The following MAP3K19 variants were observed in gnomAD, a reference collection of about 807,000 sequenced individuals.
MAP3K19 encodes SPS1/STE20-related protein kinase YSK4.
Under a neutral mutation model 114.4 loss-of-function variants are expected in MAP3K19, and 91 were observed. The observed-to-expected ratio is 0.80, with a 90% CI of 0.67 to 0.95. MAP3K19 has a LOEUF of 0.95. Among genes scored for constraint, MAP3K19 ranks in the 40% least tolerant of loss-of-function variants. The pLI is 0.00. For missense variants in MAP3K19, 1,471 were observed against 1,573.2 expected (o/e 0.94, Z 1.10); for synonymous variants, 518 against 530.5 (o/e 0.98, Z 0.32).
chr2:134,999,847 G>A lies in MAP3K19; in HGVS notation c.314+90C>T. On this transcript the variant is annotated intron_variant, in intron 7 of 12. Transcript: ENST00000392915. This position sits in a 1 kb window ranked among gnomAD's most constrained non-coding sequence, Gnocchi z 4.1. ...GACCTCTACTTTTAAGCATTATTAT[G>A]GATTCAATTACTAATAATGTAGGTT... 1 of 857,090 alleles carries A rather than the reference G, an allele frequency of 1.2e-6. No individual in the cohort carries two copies. Among genetic ancestry groups the A allele is most frequent in the Non-Finnish European group, 2.0e-6 (1 of 508,648 alleles). 53.1% of individuals were successfully genotyped at this position (857,090 alleles called of 1,614,324 possible).
chr2:135,044,851 G>T (rs1458563804), intron 1 of MAP3K19, among the ~76,000 whole-genome samples: 1 of 152,108 alleles, frequency 6.6e-6, no homozygotes, highest in African/African-American at 2.4e-5. Flanking sequence ...TCCTTATAAG[G>T]CATGTAGTGC....
At chr2:134,968,484 G>T (rs1412510364) in intron 12 of MAP3K19, among the ~76,000 whole-genome samples, 1 of 147,088 alleles carries the variant, frequency 6.8e-6, no homozygotes, top group Non-Finnish European at 1.5e-5. Flanking sequence ...TGGCCGGGCG[G>T]GGGGCTGACC....
chr2:135,003,850 G>A (rs1194105399), intron 6 of MAP3K19, among the ~76,000 whole-genome samples: 1 of 152,094 alleles, frequency 6.6e-6, no homozygotes, highest in Non-Finnish European at 1.5e-5. Flanking sequence ...CACAGTGCCC[G>A]GTCCATTTAA....
chr2:134,987,148 G>A lies in MAP3K19; in HGVS notation c.1724C>T (p.Pro575Leu), dbSNP rs373802326. The part of the protein sequence containing the change: ...HKTSIKTQIF[P>L]ALGLVDPRPW... ...CCTGGGGTCCACAAGTCCCAAAGCC[G>A]GGAAAATTTGTGTTTTTATGCTGGT... Residue 575 changes from proline to leucine, a missense_variant, in exon 10 of 13, where the codon CCG (proline) becomes CTG (leucine). Physicochemically the swap from Pro to Leu is moderately conservative, Grantham distance 98. Coordinates refer to ENST00000392915, the MANE Select transcript of MAP3K19 (RefSeq NM_025052.5). 3.8e-5 allele frequency: 61 copies of A among 1,613,960 alleles called. No individual in the cohort carries two copies. Among genetic ancestry groups the A allele is most frequent in the Middle Eastern group, 3.3e-4 (2 of 6,084 alleles).
At chr2:135,009,984 C>G (rs763193410) in intron 5 of MAP3K19, among the ~76,000 whole-genome samples, 1 of 152,054 alleles carries the variant, frequency 6.6e-6, no homozygotes, top group Non-Finnish European at 1.5e-5. Flanking sequence ...CGAGGTCACA[C>G]AGCTAGCCAG....
At chr2:135,008,373 G>A (rs760728173) in intron 5 of MAP3K19, among the ~76,000 whole-genome samples, 12 of 152,026 alleles carry the variant, frequency 7.9e-5, no homozygotes, top group African/African-American at 2.2e-4. Context: ...TGCCTGCCTC[G>A]GCCTCCCAAA....
intron 5 of MAP3K19, among the ~76,000 whole-genome samples, chr2:135,016,384 A>T (rs1405900419): frequency 6.6e-6 from 1 of 152,232 alleles, no homozygotes; most frequent in Non-Finnish European, 1.5e-5. Flanking sequence ...TATTTCTAGC[A>T]ATATCACACT....
Position 134,986,993 on chromosome 2 carries a change from A to G in MAP3K19, c.1879T>C (p.Cys627Arg), listed in dbSNP as rs150014704. The change falls in exon 10 of 13, where the codon TGT (cysteine) becomes CGT (arginine). Residue 627 changes from cysteine (C) to arginine (R), a missense_variant. Transcript: ENST00000392915. ...ICKNPGTQKS[C>R]VPLSVQPTEP... is the part of the protein sequence containing the mutation. ...GTCGGTTGAACAGAGAGAGGAACAC[A>G]TGACTTCTGTGTTCCTGGATTTTTA... 1.6e-4 allele frequency: 253 copies of G among 1,613,718 alleles called. No individual in the cohort carries two copies. In the African/African-American group the frequency reaches 3.1e-3, roughly 20 times the overall value.
intron 5 of MAP3K19, among the ~76,000 whole-genome samples, chr2:135,012,993 T>A (rs1687338778): frequency 6.6e-6 from 1 of 152,122 alleles, no homozygotes; most frequent in Non-Finnish European, 1.5e-5. Context: ...AGACTTTATT[T>A]TTAGGGACAT....
In MAP3K19 at chr2:134,999,957, T is replaced by C; in HGVS notation, c.294A>G (p.Gln98=). ...CTTACTTCTTTTCTTTTAAGTCTTC[T>C]TGGCTCATTTCTTGGGGAGGACTGA... ...RDVSPPQEMS[Q]EDLKEKNLIN... The change falls in exon 7 of 13, where the codon CAA becomes CAG. Residue 98 remains glutamine (Q), a synonymous_variant. Coordinates refer to ENST00000392915, the MANE Select transcript of MAP3K19 (RefSeq NM_025052.5). This position sits in a 1 kb window ranked among gnomAD's most constrained non-coding sequence, Gnocchi z 4.1. 1.1e-5 allele frequency: 17 copies of C among 1,610,598 alleles called. No individual in the cohort carries two copies. The highest frequency in any genetic ancestry group is 1.4e-5 in the Non-Finnish European group (16 of 1,176,802).
At position 134,981,498 on chromosome 2, in the gene MAP3K19, A is replaced by G. The variant is rs753015751; in HGVS notation, c.3243T>C (p.Ser1081=). ...AYGTVYCGLT[S]QGQLIAVKQV... The stretch of plus-strand genomic sequence containing the variant: ...GTTTTACAGCTATTAGCTGTCCTTG[A>G]CTAGTGAGACCACAGTATACCTAGA... The change falls in exon 12 of 13, where the codon AGT becomes AGC. Residue 1081 remains serine (S), a synonymous_variant. Coordinates refer to ENST00000392915, the MANE Select transcript of MAP3K19 (RefSeq NM_025052.5). 9.9e-6 allele frequency: 16 copies of G among 1,613,534 alleles called. No homozygotes were observed. Among genetic ancestry groups the G allele is most frequent in the Non-Finnish European group, 1.4e-5 (16 of 1,179,562 alleles).
intron 5 of MAP3K19, 35 bp from the exon 6 acceptor site, chr2:135,005,566 G>A (rs758843193): frequency 5.4e-6 from 8 of 1,492,280 alleles, no homozygotes; most frequent in Non-Finnish European, 7.5e-6. Flanking sequence ...TCAGTTATTA[G>A]TTATTCGATG....
Position 134,986,198 on chromosome 2 carries a change from C to T in MAP3K19, c.2674G>A (p.Glu892Lys), listed in dbSNP as rs1685089994. ...GAGTGATCTGAAACACTATCAAACT[C>T]TAGATCATTAGTTAAAATTCGGCTG... is the stretch of plus-strand genomic sequence containing the variant. ...NASRILTNDL[E>K]FDSVSDHSKT... Residue 892 changes from glutamate (E) to lysine (K), a missense_variant, in exon 10 of 13, where the codon GAG becomes AAG. Transcript: ENST00000392915. The T allele has an allele frequency of 6.2e-7, 1 of 1,613,650 alleles. No individual in the cohort carries two copies.
Position 134,986,361 on chromosome 2 carries a change from C to A in MAP3K19, c.2511G>T (p.Leu837=). The stretch of plus-strand genomic sequence containing the variant: ...GGTGATGTAGCTCTTCAAGTTCTTG[C>A]AGATCTCTGAGGCTTGTGGTGAGTA... ...NQILTTSLRD[L]QELEELHHQI... is the part of the protein sequence containing the mutation. The change falls in exon 10 of 13, where the codon CTG becomes CTT. Residue 837 remains leucine, a synonymous_variant. Transcript: ENST00000392915. The A allele has an allele frequency of 6.2e-7, 1 of 1,613,618 alleles. No individual in the cohort carries two copies. Among genetic ancestry groups the A allele is most frequent in the Non-Finnish European group, 8.5e-7 (1 of 1,179,872 alleles).
chr2:135,020,119 G>A (rs187537135), intron 5 of MAP3K19, among the ~76,000 whole-genome samples: 109 of 152,182 alleles, frequency 7.2e-4, no homozygotes, highest in Middle Eastern at 6.8e-3. Flanking sequence ...CCTGGTTCAA[G>A]CGATCCTCCT....
chr2:134,967,857 C>CTTTTTTT (rs573777137), intron 12 of MAP3K19, among the ~76,000 whole-genome samples: 2 of 143,298 alleles, frequency 1.4e-5, no homozygotes, highest in Non-Finnish European at 1.5e-5. Context: ...TTCTTTCTTT[C>CTTTTTTT]TTTTTTTTTT....
intron 2 of MAP3K19, among the ~76,000 whole-genome samples, chr2:135,038,672 C>A (rs1688582521): frequency 6.6e-6 from 1 of 151,898 alleles, no homozygotes; most frequent in Admixed American, 6.6e-5. Flanking sequence ...GCCTGGGCAA[C>A]ATGGCGAAAC....
At chr2:134,992,316 A>C (rs907851987) in intron 8 of MAP3K19, among the ~76,000 whole-genome samples, 2 of 152,186 alleles carry the variant, frequency 1.3e-5, no homozygotes, top group African/African-American at 4.8e-5. Context: ...TAAACTCTGA[A>C]AGGTGAGTGT....
At chr2:135,004,806 G>A (rs545446037) in intron 6 of MAP3K19, among the ~76,000 whole-genome samples, 125 of 152,250 alleles carry the variant, frequency 8.2e-4, no homozygotes, top group African/African-American at 2.8e-3. Flanking sequence ...ACCGAGACTT[G>A]GGGACTTTCA....
Sources: gnomAD v4.1 joint callset for allele counts (sites outside exome capture counted in the v4.1 genomes callset) on GRCh38, gnomAD v4.1.1 for gene constraint, Gnocchi (gnomAD v3.1) non-coding constraint, MANE v1.5 for transcripts, NCBI Gene and HGNC (gene_info 2026-07-23, HGNC 2026-07-21) for gene names.